The following FBXW11 variants were observed in gnomAD, a reference collection of about 807,000 sequenced individuals.
FBXW11 encodes F-box/WD repeat-containing protein 11.
Under a neutral mutation model 77.6 loss-of-function variants are expected in FBXW11, and 19 were observed. The observed-to-expected ratio is 0.24, with a 90% CI of 0.17 to 0.36. The LOEUF (loss-of-function observed/expected upper bound fraction) is 0.36, where lower values mean the gene tolerates loss of function less well. Ranked by LOEUF, FBXW11 falls within the 10% of genes least tolerant of loss-of-function variation. FBXW11 has a pLI of 1.00. For missense variants in FBXW11, 334 were observed against 704.2 expected, an observed-to-expected ratio of 0.47 and a Z score of 5.95; for synonymous variants, 235 against 249.4, an observed-to-expected ratio of 0.94 and a Z score of 0.54.
At chr5:171,930,595 G>A (rs113508900) in intron 2 of FBXW11, among the ~76,000 whole-genome samples, 12 of 152,000 alleles carry the variant, frequency 7.9e-5, no homozygotes, top group South Asian at 6.2e-4. Context: ...GCGGAAGGCC[G>A]CAGGGTCCTC....
chr5:171,974,910 T>C (rs916748729), intron 1 of FBXW11, among the ~76,000 whole-genome samples: 1 of 152,198 alleles, frequency 6.6e-6, no homozygotes, highest in Non-Finnish European at 1.5e-5. Context: ...TTCTCCTGCC[T>C]CAACCTTCCA....
intron 6 of FBXW11, 94 bp downstream of exon 6, chr5:171,898,910 C>A (rs1205755455): frequency 1.5e-6 from 1 of 686,600 alleles, no homozygotes; most frequent in Non-Finnish European, 2.3e-6. Flanking sequence ...ATTATTAGTT[C>A]TACGATTTTA....
chr5:171,995,917 C>T (rs2113584986), intron 1 of FBXW11, among the ~76,000 whole-genome samples: 1 of 152,172 alleles, frequency 6.6e-6, no homozygotes, highest in Non-Finnish European at 1.5e-5. Context: ...TGTAGTAAGA[C>T]AGAAAGAGTC....
At chr5:171,966,442 A>C (rs1249203439) in intron 1 of FBXW11, among the ~76,000 whole-genome samples, 2 of 152,226 alleles carry the variant, frequency 1.3e-5, no homozygotes, top group Non-Finnish European at 2.9e-5. Context: ...GGAGGAAAGA[A>C]TTAGATGTTT....
intron 3 of FBXW11, among the ~76,000 whole-genome samples, chr5:171,913,059 C>T (rs914548314): frequency 2.9e-4 from 44 of 152,080 alleles, no homozygotes; most frequent in African/African-American, 1.1e-3. Flanking sequence ...AAAGGATATA[C>T]ATCAAAATCT....
chr5:171,893,420 C>CAAA (rs1561656713), intron 6 of FBXW11, among the ~76,000 whole-genome samples: 1 of 4,530 alleles, frequency 2.2e-4, no homozygotes, highest in African/African-American at 3.0e-4. Flanking sequence ...CACTTCAAAA[C>CAAA]CAAAAAAAAA....
At chr5:171,914,163 A>G (rs1368478647) in intron 3 of FBXW11, among the ~76,000 whole-genome samples, 180 bp downstream of exon 3, 2 of 152,196 alleles carry the variant, frequency 1.3e-5, no homozygotes, top group African/African-American at 2.4e-5. Flanking sequence ...ATTATTTAGC[A>G]TATTTGTAAT....
chr5:171,876,573 G>T lies in FBXW11; in HGVS notation c.972-39C>A. The T allele has an allele frequency of 6.2e-7, 1 of 1,601,520 alleles. No individual in the cohort carries two copies. The highest frequency in any genetic ancestry group is 1.1e-5 in the South Asian group (1 of 90,136). ...GAAAAGCATGATGCTTAATTATGGA[G>T]ACAGCCAGGAAATGATTCTGGTATC... On this transcript the variant is annotated intron_variant, in intron 8 of 13. Coordinates refer to ENST00000517395, the MANE Select transcript of FBXW11 (RefSeq NM_001378974.1). This position sits in a 1 kb window ranked among gnomAD's most constrained non-coding sequence, Gnocchi z 4.2.
At chr5:171,878,605 T>A (rs13190621) in intron 7 of FBXW11, among the ~76,000 whole-genome samples, 10,905 of 75,604 alleles carry the variant, frequency 0.14, 1,269 homozygotes, top group African/African-American at 0.39. Context: ...AGAGAGAGAG[T>A]GTGTGTGTGT....
In FBXW11 at chr5:171,868,630, G is replaced by C; in HGVS notation, c.*5C>G. On this transcript the variant is annotated 3_prime_UTR_variant, in exon 13 of 14. Coordinates refer to ENST00000517395, the MANE Select transcript of FBXW11 (RefSeq NM_001378974.1). Reference sequence around the variant, plus strand: ...CTCACCTGAAACGGGTGAAAGTGCAGACTGTTATCTAGAGATGTAAGTGTA... The same window carrying C: ...CTCACCTGAAACGGGTGAAAGTGCACACTGTTATCTAGAGATGTAAGTGTA... 6.2e-7 allele frequency: 1 copy of C among 1,611,238 alleles called. No homozygotes were observed.
At chr5:171,996,218 T>C (rs1485516954) in intron 1 of FBXW11, among the ~76,000 whole-genome samples, 1 of 152,160 alleles carries the variant, frequency 6.6e-6, no homozygotes, top group Non-Finnish European at 1.5e-5. Context: ...GCAAAAAATA[T>C]TTTGACCAGG....
At chr5:171,924,954 G>A (rs1003624171) in intron 2 of FBXW11, among the ~76,000 whole-genome samples, 4 of 152,122 alleles carry the variant, frequency 2.6e-5, no homozygotes, top group Non-Finnish European at 4.4e-5. Flanking sequence ...TCTAGATGCC[G>A]GTGCCCAAGG....
chr5:171,928,517 T>C (rs550209197), intron 2 of FBXW11, among the ~76,000 whole-genome samples: 1 of 152,240 alleles, frequency 6.6e-6, no homozygotes, highest in Non-Finnish European at 1.5e-5. Context: ...TACAAAGCTA[T>C]TGTAACCAAA....
At chr5:171,903,152 A>C (rs1760252022) in intron 4 of FBXW11, among the ~76,000 whole-genome samples, 1 of 152,208 alleles carries the variant, frequency 6.6e-6, no homozygotes, top group African/African-American at 2.4e-5. Context: ...GTTGGAGTAC[A>C]GTGGCACAAT....
At chr5:171,959,855 AAAAAAAG>A (rs917203489) in intron 1 of FBXW11, among the ~76,000 whole-genome samples, 20 of 125,582 alleles carry the variant, frequency 1.6e-4, no homozygotes, top group East Asian at 1.0e-3. Context: ...CTCAAAAAAA[AAAAAAAG>A]AAAAGAAAAG....
chr5:171,886,793 C>A (rs538691235), intron 7 of FBXW11, among the ~76,000 whole-genome samples: 29 of 152,124 alleles, frequency 1.9e-4, no homozygotes, highest in African/African-American at 6.7e-4. Flanking sequence ...GCAGGAGGAT[C>A]ATTTGAGGTC....
intron 2 of FBXW11, among the ~76,000 whole-genome samples, chr5:171,941,131 T>C (rs1033055104): frequency 8.5e-4 from 130 of 152,290 alleles, no homozygotes; most frequent in African/African-American, 3.0e-3. Context: ...AGAATAACTT[T>C]ACAATGAAGA....
intron 1 of FBXW11, among the ~76,000 whole-genome samples, chr5:171,960,173 C>T (rs552818070): frequency 3.9e-5 from 6 of 152,226 alleles, no homozygotes; most frequent in Non-Finnish European, 7.4e-5. Context: ...CCCAGGAGTT[C>T]GAGACCAGCC....
chr5:171,909,400 A>C (rs1259059669), intron 4 of FBXW11, among the ~76,000 whole-genome samples: 1 of 152,246 alleles, frequency 6.6e-6, no homozygotes, highest in East Asian at 1.9e-4. Context: ...CTCTTAAGGC[A>C]GATATATGTC....
Sources: allele counts gnomAD v4.1 joint callset (sites outside exome capture counted in the v4.1 genomes callset), GRCh38; gene constraint gnomAD v4.1.1; non-coding constraint Gnocchi (gnomAD v3.1); transcripts MANE v1.5; gene names NCBI Gene and HGNC (gene_info 2026-07-23, HGNC 2026-07-21).